DMD: variants seen among roughly 807,000 people sequenced by gnomAD.
DMD encodes the protein dystrophin, also known as mutant dystrophin.
In DMD, 63 loss-of-function variants were observed where a neutral mutation model predicts 330.1. The ratio of observed to expected loss-of-function variants is 0.19; its 90% CI spans 0.16 to 0.24. DMD has a LOEUF of 0.24. DMD is among the 10% of genes least tolerant of loss of function. The pLI is 1.00. For synonymous variants in DMD, 1,223 were observed against 959.8 expected (o/e 1.27, Z -5.07); for missense variants, 3,344 against 2,684.1 (o/e 1.25, Z -5.43).
At chrX:32,634,757 G>A (rs919911673) in intron 11 of DMD, among the ~76,000 whole-genome samples, 1 of 111,763 alleles carries the variant, frequency 8.9e-6, no homozygotes, top group African/African-American at 3.3e-5. Flanking sequence ...TTCTTCATAA[G>A]CGGAAGGAAG....
intron 1 of DMD, among the ~76,000 whole-genome samples, chrX:33,232,498 A>C (rs765154515): frequency 4.1e-4 from 46 of 111,643 alleles, no homozygotes; most frequent in Non-Finnish European, 7.9e-4. Flanking sequence ...CAAAAATCAC[A>C]ATTCCTTTAC....
At chrX:31,147,208 C>G in intron 75 of DMD, 67 bp downstream of exon 75, 2 of 1,202,399 alleles carry the variant, frequency 1.7e-6, no homozygotes, top group Non-Finnish European at 2.2e-6. Flanking sequence ...AAAAAGTGCT[C>G]TCTGAGGTTT....
intron 51 of DMD, among the ~76,000 whole-genome samples, chrX:31,731,701 G>A (rs990075466): frequency 9.0e-6 from 1 of 111,364 alleles, no homozygotes; most frequent in African/African-American, 3.3e-5. Context: ...CGTGCTTTTC[G>A]ATACTTGGAA....
chrX:33,020,918 A>G (rs1192084415), intron 1 of DMD, among the ~76,000 whole-genome samples: 1 of 110,769 alleles, frequency 9.0e-6, no homozygotes, highest in Admixed American at 9.6e-5. Context: ...CAGCATCTAC[A>G]TACTCTAACA....
chrX:32,829,200 T>C (rs1455398187), intron 4 of DMD, among the ~76,000 whole-genome samples: 1 of 111,525 alleles, frequency 9.0e-6, no homozygotes, highest in Admixed American at 9.6e-5. Context: ...TTCATATGCT[T>C]TGGAATAGCT....
At chrX:32,919,518 A>AT (rs748851663) in intron 2 of DMD, among the ~76,000 whole-genome samples, 3 of 111,838 alleles carry the variant, frequency 2.7e-5, no homozygotes, top group Non-Finnish European at 3.8e-5. Context: ...TAGCTCTTTT[A>AT]TTTTTTATGT....
rs752702877 is a variant in DMD, at chrX:32,476,672, G to T, written c.2804-4363C>A. Among the ~76,000 whole-genome samples the T allele has an allele frequency of 4.5e-5, 5 of 111,261 alleles. No homozygotes were observed. In the South Asian group the frequency reaches 1.9e-3, roughly 42 times the overall value. ...ATCTCATTTAAACCATGCAGGCCAG[G>T]GAATGCCAGTGAAGAATTCTAAATC... is the stretch of plus-strand genomic sequence containing the variant. On this transcript the variant is annotated intron_variant, in intron 21 of 78. Transcript: ENST00000357033.
rs727503815 is a variant in DMD, at chrX:31,968,501, C to T, written c.6452G>A (p.Gly2151Asp). The change falls in exon 45 of 79, where the codon GGC (glycine) becomes GAC (aspartate). Residue 2151 changes from glycine to aspartate, a missense_variant. Transcript: ENST00000357033. Reference sequence around the variant, plus strand: ...GACAACAGTTTGCCGCTGCCCAATGCCATCCTGGAGTTCCTGTAAGATACC... The same window carrying T: ...GACAACAGTTTGCCGCTGCCCAATGTCATCCTGGAGTTCCTGTAAGATACC... ...YKWYLKELQD[G>D]IGQRQTVVRT... 2.0e-4 allele frequency: 241 copies of T among 1,208,547 alleles called. No homozygotes were observed. Among genetic ancestry groups the T allele is most frequent in the Non-Finnish European group, 2.6e-4 (234 of 894,259 alleles).
intron 67 of DMD, among the ~76,000 whole-genome samples, chrX:31,187,856 T>C (rs999874348): frequency 1.8e-5 from 2 of 109,190 alleles, no homozygotes; most frequent in Admixed American, 9.8e-5. Context: ...GGCTCTCGCA[T>C]AGGGGCCTGT....
chrX:32,680,339 T>C (rs2062313992), intron 9 of DMD, among the ~76,000 whole-genome samples: 2 of 111,764 alleles, frequency 1.8e-5, no homozygotes, highest in Middle Eastern at 4.7e-3. Context: ...TCAAATACAA[T>C]CAAAATACTG....
intron 28 of DMD, among the ~76,000 whole-genome samples, chrX:32,439,815 A>T (rs962172605): frequency 9.0e-6 from 1 of 111,204 alleles, no homozygotes; most frequent in African/African-American, 3.3e-5. Flanking sequence ...ATTAGGAACA[A>T]TTTGAAATTA....
chrX:33,152,458 G>T (rs1440048027), intron 1 of DMD, among the ~76,000 whole-genome samples: 3 of 111,032 alleles, frequency 2.7e-5, no homozygotes, highest in Non-Finnish European at 5.7e-5. Context: ...ACAAGTGTGA[G>T]CCACTGTACC....
chrX:32,665,652 A>G (rs149360741), intron 9 of DMD, among the ~76,000 whole-genome samples: 1,176 of 111,431 alleles, frequency 0.011, 16 homozygotes, highest in African/African-American at 0.037. Flanking sequence ...AAGTAAGCAA[A>G]AAATATATGT....
chrX:31,160,139 C>A (rs966232698), intron 74 of DMD, among the ~76,000 whole-genome samples: 24 of 110,511 alleles, frequency 2.2e-4, no homozygotes, highest in African/African-American at 7.3e-4. Flanking sequence ...AATCATTTCA[C>A]AAGAAAGAAC....
intron 60 of DMD, among the ~76,000 whole-genome samples, chrX:31,349,099 G>C (rs1371833898): frequency 1.8e-5 from 2 of 112,235 alleles, no homozygotes; most frequent in Non-Finnish European, 3.8e-5. Flanking sequence ...ATAAATCATT[G>C]AGTGATATTT....
chrX:31,380,909 T>C (rs1430890635), intron 60 of DMD, among the ~76,000 whole-genome samples: 3 of 110,808 alleles, frequency 2.7e-5, no homozygotes, highest in Non-Finnish European at 5.7e-5. Context: ...AGCCCAAATT[T>C]CTTCCTCACC....
intron 18 of DMD, among the ~76,000 whole-genome samples, chrX:32,504,919 TAAAC>T (rs1472451417): frequency 9.0e-6 from 1 of 111,717 alleles, no homozygotes; most frequent in African/African-American, 3.3e-5. Flanking sequence ...AAATGAAAAA[TAAAC>T]ATACCAAAAA....
chrX:32,256,838 G>A (rs184874859), intron 43 of DMD, among the ~76,000 whole-genome samples: 1 of 110,980 alleles, frequency 9.0e-6, no homozygotes, highest in African/African-American at 3.3e-5. Context: ...TTGAATATTG[G>A]CACCCACTCT....
At chrX:32,266,191 C>T (rs1002513457) in intron 43 of DMD, among the ~76,000 whole-genome samples, 1 of 111,275 alleles carries the variant, frequency 9.0e-6, no homozygotes, top group Non-Finnish European at 1.9e-5. Context: ...TCATGAGATC[C>T]AATGGTTTTA....
Sources: gnomAD v4.1 joint callset for allele counts (sites outside exome capture counted in the v4.1 genomes callset) on GRCh38, gnomAD v4.1.1 for gene constraint, MANE v1.5 for transcripts, NCBI Gene and HGNC (gene_info 2026-07-23, HGNC 2026-07-21) for gene names.